Variants in PGCKA1 observed in about 807,000 individuals in gnomAD.
The protein encoded by PGCKA1 is PDCD10 and GCKIII kinases-associated protein 1.
At chr4:37,580,764 T>C in the PGCKA1 span, among the ~76,000 whole-genome samples, 1 of 152,140 alleles carries the variant, frequency 6.6e-6, no homozygotes, top group Non-Finnish European at 1.5e-5. Context: ...GCTAGCTAGC[T>C]CCAATGTTTG....
chr4:37,521,134 T>C, the PGCKA1 span, among the ~76,000 whole-genome samples: 1 of 152,200 alleles, frequency 6.6e-6, no homozygotes, highest in African/African-American at 2.4e-5. Context: ...TTTTCTAGCT[T>C]TTTAAGATGT....
chr4:37,568,795 T>C, the PGCKA1 span, among the ~76,000 whole-genome samples: 8 of 152,338 alleles, frequency 5.3e-5, no homozygotes, highest in East Asian at 1.2e-3. Flanking sequence ...GAAGTTCCCC[T>C]TTTTTCCCAC....
the PGCKA1 span, among the ~76,000 whole-genome samples, chr4:37,497,030 A>G: frequency 6.6e-6 from 1 of 152,146 alleles, no homozygotes; most frequent in Admixed American, 6.6e-5. Flanking sequence ...TGGTGCACCC[A>G]TCACCTGAGC....
At chr4:37,509,300 G>T in the PGCKA1 span, among the ~76,000 whole-genome samples, 15 of 113,258 alleles carry the variant, frequency 1.3e-4, 3 homozygotes, top group Admixed American at 3.3e-4. Flanking sequence ...GCTGCTGGGC[G>T]GAGGGGCTCC....
the PGCKA1 span, among the ~76,000 whole-genome samples, chr4:37,485,510 G>A: frequency 6.6e-6 from 1 of 151,996 alleles, no homozygotes; most frequent in East Asian, 1.9e-4. Context: ...TCAGATGGGG[G>A]CCCCTTGACC....
chr4:37,457,907 A>T, the PGCKA1 span, among the ~76,000 whole-genome samples: 1 of 152,230 alleles, frequency 6.6e-6, no homozygotes, highest in African/African-American at 2.4e-5. Context: ...TCTTGTGATA[A>T]GTATGAAATG....
the PGCKA1 span, among the ~76,000 whole-genome samples, chr4:37,541,558 T>C: frequency 6.6e-6 from 1 of 152,232 alleles, no homozygotes; most frequent in African/African-American, 2.4e-5. Context: ...CATCAAATGC[T>C]GCACATTAAT....
At chr4:37,463,123 G>C in the PGCKA1 span, among the ~76,000 whole-genome samples, 1 of 152,120 alleles carries the variant, frequency 6.6e-6, no homozygotes, top group Non-Finnish European at 1.5e-5. Context: ...TTGTTGTAGG[G>C]CTGGGACCCA....
chr4:37,589,805 T>C, the PGCKA1 span, among the ~76,000 whole-genome samples: 1 of 152,200 alleles, frequency 6.6e-6, no homozygotes, highest in Non-Finnish European at 1.5e-5. Flanking sequence ...CTAATTTTTG[T>C]ATTTTTAGTA....
chr4:37,513,090 A>G, the PGCKA1 span, among the ~76,000 whole-genome samples: 1 of 88,470 alleles, frequency 1.1e-5, no homozygotes, highest in South Asian at 3.7e-4. Context: ...ATGCCATCTC[A>G]AAAAAAAAAA....
chr4:37,588,952 G>A, the PGCKA1 span: 1 of 1,401,146 alleles, frequency 7.1e-7, no homozygotes, highest in East Asian at 2.3e-5. Context: ...ATGAGCGTGG[G>A]GTCACTTTTA....
chr4:37,565,403 G>A, the PGCKA1 span, among the ~76,000 whole-genome samples: 1 of 152,122 alleles, frequency 6.6e-6, no homozygotes, highest in Non-Finnish European at 1.5e-5. Context: ...CTCACAACAC[G>A]GGCAGCCTCT....
chr4:37,573,415 C>A, the PGCKA1 span, among the ~76,000 whole-genome samples: 1 of 152,194 alleles, frequency 6.6e-6, no homozygotes, highest in Non-Finnish European at 1.5e-5. Flanking sequence ...GGATATGCAT[C>A]CAAGTCTGTC....
the PGCKA1 span, among the ~76,000 whole-genome samples, chr4:37,477,626 A>G: frequency 6.6e-6 from 1 of 152,176 alleles, no homozygotes; most frequent in African/African-American, 2.4e-5. Context: ...AACCTTCTAA[A>G]CTTAAAAGTT....
chr4:37,476,328 C>T, the PGCKA1 span, among the ~76,000 whole-genome samples: 1 of 152,176 alleles, frequency 6.6e-6, no homozygotes, highest in Non-Finnish European at 1.5e-5. Context: ...TCAGCTCTTC[C>T]TTTAAATTGC....
At chr4:37,512,279 G>A in the PGCKA1 span, among the ~76,000 whole-genome samples, 1 of 152,044 alleles carries the variant, frequency 6.6e-6, no homozygotes, top group Admixed American at 6.5e-5. Context: ...GGATGACCAG[G>A]GGAACCCTCT....
chr4:37,464,593 A>T, the PGCKA1 span, among the ~76,000 whole-genome samples: 2 of 152,208 alleles, frequency 1.3e-5, no homozygotes, highest in African/African-American at 4.8e-5. Flanking sequence ...GAAAGAAAGA[A>T]TGAGGGAGGG....
the PGCKA1 span, among the ~76,000 whole-genome samples, chr4:37,593,330 G>A: frequency 6.6e-6 from 1 of 152,070 alleles, no homozygotes; most frequent in Non-Finnish European, 1.5e-5. Flanking sequence ...ACTGGCCCGT[G>A]TATCAATGAC....
At chr4:37,566,842 A>G in the PGCKA1 span, among the ~76,000 whole-genome samples, 1 of 152,178 alleles carries the variant, frequency 6.6e-6, no homozygotes, top group Admixed American at 6.5e-5. Flanking sequence ...TTGGCCTCCC[A>G]AAGTGCTGGG....
Sources: gnomAD v4.1 joint callset for allele counts (sites outside exome capture counted in the v4.1 genomes callset) on GRCh38, gnomAD v4.1.1 for gene constraint, MANE v1.5 for transcripts, NCBI Gene and HGNC (gene_info 2026-07-23, HGNC 2026-07-21) for gene names.